The following CMTR1 variants were observed in gnomAD, a reference collection of about 807,000 sequenced individuals.
CMTR1 encodes the protein cap-specific mRNA (nucleoside-2'-O-)-methyltransferase 1.
CMTR1 carries 39 observed loss-of-function variants against 107.0 expected under a neutral mutation model. The ratio of observed to expected loss-of-function variants is 0.36; its 90% CI spans 0.28 to 0.48. The LOEUF is 0.48. Ranked by LOEUF, CMTR1 falls within the 20% of genes least tolerant of loss-of-function variation. CMTR1 has a pLI of 0.99. For synonymous variants in CMTR1, 366 were observed against 379.5 expected, an observed-to-expected ratio of 0.96 and a Z score of 0.41; for missense variants, 672 against 1,064.9, an observed-to-expected ratio of 0.63 and a Z score of 5.14.
intron 22 of CMTR1, 43 bp downstream of exon 22, chr6:37,478,564 CCT>C (rs1761788881): frequency 6.7e-7 from 1 of 1,501,986 alleles, no homozygotes; most frequent in South Asian, 1.1e-5. Flanking sequence ...TCCCCTCTCC[CCT>C]CTCCTCGCCA....
rs1012783715 is a variant in CMTR1, at chr6:37,472,669, C to T, written c.1689+182C>T. Among the ~76,000 whole-genome samples, 1 of 152,314 alleles carries T rather than the reference C, an allele frequency of 6.6e-6. No individual in the cohort carries two copies. Among genetic ancestry groups the T allele is most frequent in the Non-Finnish European group, 1.5e-5 (1 of 68,020 alleles). On this transcript the variant is annotated intron_variant, in intron 16 of 23. Transcript: ENST00000373451. The surrounding 1 kb of genome is among the most constrained non-coding windows in gnomAD (Gnocchi z 4.1). ...CCTTTGGTATAGGGTGTTGAATTCC[C>T]CAAGAGCACAGTCAGGCCAACGGAA...
chr6:37,440,962 G>C (rs1771661958), intron 2 of CMTR1, among the ~76,000 whole-genome samples: 1 of 152,182 alleles, frequency 6.6e-6, no homozygotes, highest in African/African-American at 2.4e-5. Flanking sequence ...CGGGTTTTCA[G>C]ACTTTTTCAT....
intron 2 of CMTR1, among the ~76,000 whole-genome samples, chr6:37,438,565 G>A (rs1398798374): frequency 6.6e-6 from 1 of 152,176 alleles, no homozygotes; most frequent in East Asian, 1.9e-4. Context: ...CAGAAACTGA[G>A]GGCAGTATCT....
chr6:37,470,902 C>A, intron 13 of CMTR1, 119 bp from the exon 14 acceptor site: 2 of 719,902 alleles, frequency 2.8e-6, no homozygotes, highest in Non-Finnish European at 4.3e-6. Context: ...TCTTTCTCAA[C>A]TCTCCAGCTC....
intron 8 of CMTR1, among the ~76,000 whole-genome samples, chr6:37,456,273 A>G (rs2113876224): frequency 6.6e-6 from 1 of 152,348 alleles, no homozygotes; most frequent in Non-Finnish European, 1.5e-5. Context: ...GTTCTTGGCA[A>G]ATACCATTAG....
Position 37,450,799 on chromosome 6 carries a change from G to A in CMTR1, c.537+456G>A, listed in dbSNP as rs191351314. Among the ~76,000 whole-genome samples, 649 of 152,336 alleles carry A rather than the reference G, an allele frequency of 4.3e-3. 4 individuals carry two copies. The highest frequency in any genetic ancestry group is 0.014 in the African/African-American group (573 of 41,566). ...TGGTCTAGAGGGCAGTTCTCAAAGT[G>A]TATGTGCTCCCGGGGATCTCTAAGA... On this transcript the variant is annotated intron_variant, in intron 5 of 23. Transcript: ENST00000373451.
intron 21 of CMTR1, among the ~76,000 whole-genome samples, chr6:37,478,171 T>G (rs934541233): frequency 3.3e-5 from 5 of 152,074 alleles, no homozygotes; most frequent in African/African-American, 1.2e-4. Context: ...CTGAAATCCC[T>G]CAAGCAGCAG....
intron 8 of CMTR1, among the ~76,000 whole-genome samples, chr6:37,456,604 T>C (rs1370081299): frequency 6.6e-6 from 1 of 152,212 alleles, no homozygotes; most frequent in African/African-American, 2.4e-5. Flanking sequence ...CTGATCGTTA[T>C]CTAGCAGCTG....
chr6:37,460,841 C>T (rs1190996843), intron 10 of CMTR1, among the ~76,000 whole-genome samples: 5 of 152,166 alleles, frequency 3.3e-5, no homozygotes, highest in African/African-American at 1.2e-4. Flanking sequence ...ACCCATTTAA[C>T]AACACTGTGC....
upstream of CMTR1, among the ~76,000 whole-genome samples, chr6:37,428,375 T>C (rs1771322248): frequency 6.6e-6 from 1 of 152,214 alleles, no homozygotes; most frequent in South Asian, 2.1e-4. Context: ...CCTTTTGTGA[T>C]AGTTGTTGTT....
chr6:37,461,861 G>GACCC, intron 11 of CMTR1, 109 bp from the exon 12 acceptor site: 1 of 1,265,604 alleles, frequency 7.9e-7, no homozygotes, highest in Non-Finnish European at 1.1e-6. Context: ...AGTTTTAACA[G>GACCC]ACCCAGGTGC....
chr6:37,445,759 C>T (rs922475978), intron 3 of CMTR1, among the ~76,000 whole-genome samples: 13 of 150,312 alleles, frequency 8.6e-5, no homozygotes, highest in African/African-American at 3.2e-4. Context: ...TCCCAAAGTG[C>T]TGGGATTACA....
chr6:37,479,486 C>T (rs9470599), intron 23 of CMTR1, among the ~76,000 whole-genome samples: 12,995 of 152,292 alleles, frequency 0.085, 996 homozygotes, highest in African/African-American at 0.21. Context: ...CTAATGGTTA[C>T]GGGCCTGGCT....
chr6:37,426,645 C>A, the CMTR1 span, among the ~76,000 whole-genome samples: 5 of 152,040 alleles, frequency 3.3e-5, no homozygotes, highest in Non-Finnish European at 7.4e-5. Context: ...GCTATCCTCC[C>A]ACCTCAGCTT....
chr6:37,480,002 C>A lies in CMTR1; in HGVS notation c.2376-11C>A. Reference sequence around the variant, plus strand: ...CAGTCCTGACCTCTTTCCCATCCCTCTCCTCCCCAGCATTTGCTACTATGG... The same window carrying A: ...CAGTCCTGACCTCTTTCCCATCCCTATCCTCCCCAGCATTTGCTACTATGG... On this transcript the variant is annotated splice_polypyrimidine_tract_variant and intron_variant, in intron 23 of 23. Coordinates refer to ENST00000373451, the MANE Select transcript of CMTR1 (RefSeq NM_015050.3). The A allele has an allele frequency of 6.4e-7, 1 of 1,567,528 alleles. No homozygotes were observed. The highest frequency in any genetic ancestry group is 8.6e-7 in the Non-Finnish European group (1 of 1,162,024).
At chr6:37,453,171 A>G (rs1015326552) in intron 7 of CMTR1, 30 bp downstream of exon 7, 2 of 1,612,818 alleles carry the variant, frequency 1.2e-6, no homozygotes, top group Admixed American at 3.3e-5. Flanking sequence ...CCCTCCCCTG[A>G]TGCTCCCTGC....
At chr6:37,454,862 C>T (rs1761257479) in intron 8 of CMTR1, among the ~76,000 whole-genome samples, 2 of 152,106 alleles carry the variant, frequency 1.3e-5, no homozygotes, top group South Asian at 2.1e-4. Context: ...ACCAGAGTTA[C>T]AGCCAAGCCC....
chr6:37,461,194 T>C (rs1459062003), intron 10 of CMTR1, among the ~76,000 whole-genome samples: 4 of 152,242 alleles, frequency 2.6e-5, no homozygotes, highest in African/African-American at 9.6e-5. Flanking sequence ...TATGTTGTGG[T>C]TGACCTCTGA....
At chr6:37,470,207 C>T (rs553909760) in intron 13 of CMTR1, among the ~76,000 whole-genome samples, 135 of 150,458 alleles carry the variant, frequency 9.0e-4, no homozygotes, top group African/African-American at 2.6e-3. Context: ...AGTGCAGTGG[C>T]GCGATCTCGG....
Sources: gnomAD v4.1 joint callset for allele counts (sites outside exome capture counted in the v4.1 genomes callset) on GRCh38, gnomAD v4.1.1 for gene constraint, Gnocchi (gnomAD v3.1) non-coding constraint, MANE v1.5 for transcripts, NCBI Gene and HGNC (gene_info 2026-07-23, HGNC 2026-07-21) for gene names.